Variants in UNC80 observed in about 807,000 individuals in gnomAD.
The protein encoded by UNC80 is protein unc-80 homolog.
Under a neutral mutation model 384.6 loss-of-function variants are expected in UNC80, and 164 were observed. That is an observed-to-expected ratio of 0.43 (90% CI 0.38 to 0.49). UNC80 has a LOEUF of 0.49. Ranked by LOEUF, UNC80 falls within the 20% of genes least tolerant of loss-of-function variation. The pLI is 0.00. For synonymous variants in UNC80, 1,486 were observed against 1,527.8 expected (o/e 0.97, Z 0.64); for missense variants, 3,330 against 4,143.0 (o/e 0.80, Z 5.39).
chr2:209,817,582 G>C (rs2079833050), intron 10 of UNC80, among the ~76,000 whole-genome samples: 1 of 151,956 alleles, frequency 6.6e-6, no homozygotes, highest in African/African-American at 2.4e-5. Context: ...ACAACAGACG[G>C]TTTCTGACAT....
intron 38 of UNC80, 142 bp from the exon 39 acceptor site, chr2:209,933,680 T>C (rs1176663562): frequency 1.2e-5 from 7 of 605,096 alleles, no homozygotes; most frequent in East Asian, 6.3e-5. Context: ...CCTGGTAACA[T>C]TGAAAGTGTT....
intron 25 of UNC80, among the ~76,000 whole-genome samples, chr2:209,887,840 G>C (rs1284931000): frequency 6.6e-6 from 1 of 152,160 alleles, no homozygotes; most frequent in Admixed American, 6.5e-5. Context: ...TTTTGGATTT[G>C]GATCAAGGCC....
At chr2:209,890,207 C>T (rs1016011127) in intron 26 of UNC80, among the ~76,000 whole-genome samples, 67 of 152,188 alleles carry the variant, frequency 4.4e-4, no homozygotes, top group African/African-American at 1.6e-3. Flanking sequence ...GTCTATGTTT[C>T]TATGTGTGAT....
intron 45 of UNC80, among the ~76,000 whole-genome samples, chr2:209,944,748 G>C (rs2091830042): frequency 6.6e-6 from 1 of 152,062 alleles, no homozygotes; most frequent in East Asian, 1.9e-4. Context: ...TCTTAGTTCT[G>C]CCATCTTCAA....
At chr2:209,868,916 G>A (rs753618478) in intron 22 of UNC80, among the ~76,000 whole-genome samples, 2 of 152,140 alleles carry the variant, frequency 1.3e-5, no homozygotes, top group Non-Finnish European at 2.9e-5. Flanking sequence ...TGGAATAGAA[G>A]CCTCTCTGTG....
chr2:209,775,705 G>A lies in UNC80; in HGVS notation c.142-184G>A. Among the ~76,000 whole-genome samples the A allele has an allele frequency of 1.3e-5, 2 of 152,166 alleles. 1 individual carries two copies. Among genetic ancestry groups the A allele is most frequent in the Non-Finnish European group, 2.9e-5 (2 of 68,036 alleles). On this transcript the variant is annotated intron_variant, in intron 2 of 64. Transcript: ENST00000673920. ...AATAGAAAATTATTACTGACCCATT[G>A]CACATCAACATATACAAGAAAATGC...
In UNC80 at chr2:209,997,179, T is replaced by C. The variant is rs375095991; in HGVS notation, c.*1584T>C. 1 of 152,132 alleles carries C rather than the reference T, an allele frequency of 6.6e-6. No homozygotes were observed. Among genetic ancestry groups the C allele is most frequent in the Non-Finnish European group, 1.5e-5 (1 of 68,006 alleles). The allele number at this position is 152,132 out of a possible 1,614,324, so 9.4% of individuals were successfully genotyped here. On this transcript the variant is annotated 3_prime_UTR_variant, in exon 65 of 65. Coordinates refer to ENST00000673920, the MANE Select transcript of UNC80 (RefSeq NM_001371986.1). ...CTATTCACTAAGAGAATGAAAGATATCCATGAGTTAAAAGAACAAAACTAA... is the reference window on the plus strand; with the variant it reads ...CTATTCACTAAGAGAATGAAAGATACCCATGAGTTAAAAGAACAAAACTAA...
chr2:209,808,746 T>A, intron 7 of UNC80: 1 of 43,562 alleles, frequency 2.3e-5, no homozygotes. Context: ...CTCGGCCTAG[T>A]GAGTGGGTCG....
chr2:209,947,996 ATG>A (rs1320704141), intron 47 of UNC80, among the ~76,000 whole-genome samples: 3 of 152,140 alleles, frequency 2.0e-5, no homozygotes, highest in Non-Finnish European at 4.4e-5. Context: ...ATTCATATAA[ATG>A]TGTGTAACAG....
In UNC80 at chr2:209,777,289, A is replaced by T. The variant is rs1468163951; in HGVS notation, c.330A>T (p.Thr110=). 6.2e-7 allele frequency: 1 copy of T among 1,604,390 alleles called. No individual in the cohort carries two copies. The highest frequency in any genetic ancestry group is 1.3e-5 in the African/African-American group (1 of 74,360). Residue 110 remains threonine, a synonymous_variant, in exon 4 of 65, where the codon ACA becomes ACT. Transcript: ENST00000673920. ...GHQDKLGVAE[T]KLLHTLHWML... is the part of the protein sequence containing the mutation. ...AGGATAAATTGGGTGTTGCTGAGACAAAGCTCCTTCACACTCTACACTGGA... is the reference window on the plus strand; with the variant it reads ...AGGATAAATTGGGTGTTGCTGAGACTAAGCTCCTTCACACTCTACACTGGA...
intron 23 of UNC80, among the ~76,000 whole-genome samples, chr2:209,874,307 T>A (rs2084580379): frequency 6.6e-6 from 1 of 152,266 alleles, no homozygotes; most frequent in South Asian, 2.1e-4. Context: ...CAACCCCCCA[T>A]TTATTACCTG....
Position 209,839,206 on chromosome 2 carries a change from C to T in UNC80, c.3042-16C>T. 1.3e-6 allele frequency: 2 copies of T among 1,550,306 alleles called. No individual in the cohort carries two copies. The highest frequency in any genetic ancestry group is 1.7e-6 in the Non-Finnish European group (2 of 1,146,368). ...GTGTTGTCAGAAGTTTAACCCTATC[C>T]TCTGCTTGCCTACAGCGATGAACAA... On this transcript the variant is annotated splice_polypyrimidine_tract_variant and intron_variant, in intron 18 of 64. Coordinates refer to ENST00000673920, the MANE Select transcript of UNC80 (RefSeq NM_001371986.1). This position sits in a 1 kb window ranked among gnomAD's most constrained non-coding sequence, Gnocchi z 4.1.
chr2:209,930,244 A>G (rs1395532843), intron 37 of UNC80, among the ~76,000 whole-genome samples: 1 of 152,110 alleles, frequency 6.6e-6, no homozygotes. Flanking sequence ...TGTTCTTACT[A>G]TTGAGTACCT....
intron 29 of UNC80, among the ~76,000 whole-genome samples, chr2:209,907,215 T>C (rs543219655): frequency 2.6e-5 from 4 of 151,554 alleles, no homozygotes; most frequent in African/African-American, 9.7e-5. Flanking sequence ...CAGCCAGCCG[T>C]TCATCTATTC....
intron 41 of UNC80, 105 bp from the exon 42 acceptor site, chr2:209,937,424 C>G (rs1301668334): frequency 1.2e-6 from 1 of 829,282 alleles, no homozygotes; most frequent in Non-Finnish European, 1.9e-6. Flanking sequence ...CTGCTTTTCT[C>G]CTGGCATAGC....
chr2:209,772,202 G>GCTGGGGGCGCTC, intron 1 of UNC80, 38 bp downstream of exon 1: 1 of 1,400,062 alleles, frequency 7.1e-7, no homozygotes, highest in Non-Finnish European at 9.4e-7. Context: ...GCCGCCCTGG[G>GCTGGGGGCGCTC]CTGGGGGCGC....
chr2:209,923,938 C>T (rs970859813), intron 35 of UNC80, among the ~76,000 whole-genome samples: 1 of 151,890 alleles, frequency 6.6e-6, no homozygotes, highest in African/African-American at 2.4e-5. Flanking sequence ...TATGTGCCTG[C>T]CGTTTTAAAA....
Position 209,894,198 on chromosome 2 carries a change from C to G in UNC80, c.4312C>G (p.Leu1438Val). The G allele has an allele frequency of 2.0e-6, 2 of 985,416 alleles. No individual in the cohort carries two copies. The highest frequency in any genetic ancestry group is 2.4e-6 in the Non-Finnish European group (2 of 829,932). The allele number at this position is 985,416 out of a possible 1,614,324, so 61.0% of individuals were successfully genotyped here. Residue 1438 changes from leucine (L) to valine (V), a missense_variant, in exon 27 of 65, where the codon CTG becomes GTG. Leu to Val is a conservative substitution (Grantham distance 32). Coordinates refer to ENST00000673920, the MANE Select transcript of UNC80 (RefSeq NM_001371986.1). ...SRKIRIGGSR[L>V]LQIKGTRSFQ... ...GAAGATCAGGATAGGAGGTTCTCGC[C>G]TGCTCCAGATTAAAGGAACCCGCAG...
Position 209,823,688 on chromosome 2 carries a change from T to TTAA in UNC80, c.2332-2208_2332-2206dup, listed in dbSNP as rs934954957. Among the ~76,000 whole-genome samples the TTAA allele has an allele frequency of 4.6e-4, 70 of 151,822 alleles. 1 individual carries two copies. Among genetic ancestry groups the TTAA allele is most frequent in the African/African-American group, 1.5e-3 (63 of 41,480 alleles). On this transcript the variant is annotated intron_variant, in intron 13 of 64. Coordinates refer to ENST00000673920, the MANE Select transcript of UNC80 (RefSeq NM_001371986.1). ...TAATTAATAATTATTTTTGCTATTA[T>TTAA]TAATAATAATAATTAGTTTTTCTAT...
Sources: gnomAD v4.1 joint callset for allele counts (sites outside exome capture counted in the v4.1 genomes callset) on GRCh38, gnomAD v4.1.1 for gene constraint, Gnocchi (gnomAD v3.1) non-coding constraint, MANE v1.5 for transcripts, NCBI Gene and HGNC (gene_info 2026-07-23, HGNC 2026-07-21) for gene names.